CHCHD6: variants seen among roughly 807,000 people sequenced by gnomAD.
CHCHD6 encodes the protein MICOS complex subunit MIC25.
In CHCHD6, 28 loss-of-function variants were observed where a neutral mutation model predicts 32.3. The observed-to-expected ratio is 0.87, with a 90% CI of 0.64 to 1.19. CHCHD6 has a LOEUF of 1.19. Among genes scored for constraint, CHCHD6 ranks in the 50% most tolerant of loss-of-function variants. CHCHD6 has a pLI of 0.00. For synonymous variants in CHCHD6, 122 were observed against 117.5 expected (o/e 1.04, Z -0.25); for missense variants, 333 against 307.0 (o/e 1.08, Z -0.63).
chr3:126,882,984 A>G lies in CHCHD6; in HGVS notation c.495+30254A>G, dbSNP rs559381074. Among the ~76,000 whole-genome samples, 11 of 152,298 alleles carry G rather than the reference A, an allele frequency of 7.2e-5. No individual in the cohort carries two copies. In the South Asian group the frequency reaches 2.1e-3, roughly 29 times the overall value. On this transcript the variant is annotated intron_variant, in intron 5 of 7. Transcript: ENST00000290913. ...AGGGTTGGGACTTTCAGCCCCACCC[A>G]TACCTCTGGGGAAGGGAAAGGGGCT... is the stretch of plus-strand genomic sequence containing the variant.
chr3:126,804,390 G>A (rs1044095605), intron 4 of CHCHD6, among the ~76,000 whole-genome samples: 4 of 151,986 alleles, frequency 2.6e-5, no homozygotes, highest in Admixed American at 6.5e-5. Flanking sequence ...TATCACCACC[G>A]ATCCCACAGA....
intron 5 of CHCHD6, among the ~76,000 whole-genome samples, chr3:126,861,664 A>C (rs1576509382): frequency 2.3e-5 from 3 of 130,880 alleles, no homozygotes; most frequent in Admixed American, 1.5e-4. Flanking sequence ...CCCCTCCTCT[A>C]CCATCACCAC....
At chr3:126,914,570 G>C in intron 5 of CHCHD6, 110 bp from the exon 6 acceptor site, 1 of 739,426 alleles carries the variant, frequency 1.4e-6, no homozygotes, top group Non-Finnish European at 2.5e-6. Flanking sequence ...AGTCGGCTTT[G>C]ATGCCCGTCA....
At chr3:126,807,977 C>T (rs770625528) in intron 4 of CHCHD6, among the ~76,000 whole-genome samples, 1 of 152,200 alleles carries the variant, frequency 6.6e-6, no homozygotes, top group African/African-American at 2.4e-5. Flanking sequence ...TACAAAAACA[C>T]GTGGCCAGGT....
At chr3:126,729,983 G>A (rs942109027) in intron 2 of CHCHD6, among the ~76,000 whole-genome samples, 2 of 152,096 alleles carry the variant, frequency 1.3e-5, no homozygotes, top group South Asian at 2.1e-4. Context: ...CAGAAATCCC[G>A]AAATTCGTGA....
At chr3:126,767,055 G>C in intron 4 of CHCHD6, 1 of 975,766 alleles carries the variant, frequency 1.0e-6, no homozygotes, top group Non-Finnish European at 1.6e-6. Flanking sequence ...ACTCAATGGG[G>C]AACCAGTCTG....
At chr3:126,827,650 A>G (rs766384301) in intron 4 of CHCHD6, among the ~76,000 whole-genome samples, 1 of 152,316 alleles carries the variant, frequency 6.6e-6, no homozygotes, top group East Asian at 1.9e-4. Flanking sequence ...TGCCACTGTC[A>G]TCTGGGATCT....
intron 4 of CHCHD6, among the ~76,000 whole-genome samples, chr3:126,827,232 G>A (rs1424563846): frequency 6.6e-6 from 1 of 152,214 alleles, no homozygotes; most frequent in Non-Finnish European, 1.5e-5. Context: ...AAGGCTTCAT[G>A]CAAGGAAATG....
chr3:126,869,907 A>T (rs1190278913), intron 5 of CHCHD6, among the ~76,000 whole-genome samples: 2 of 152,274 alleles, frequency 1.3e-5, no homozygotes, highest in East Asian at 3.9e-4. Flanking sequence ...TGCTTTCTGA[A>T]ATCCTGTTTT....
intron 1 of CHCHD6, among the ~76,000 whole-genome samples, chr3:126,720,382 G>T (rs1332813312): frequency 6.6e-6 from 1 of 152,170 alleles, no homozygotes; most frequent in South Asian, 2.1e-4. Context: ...CCCAACCGGG[G>T]CTTCTAGTCC....
chr3:126,715,840 G>A (rs1183189687), intron 1 of CHCHD6, among the ~76,000 whole-genome samples: 2 of 152,064 alleles, frequency 1.3e-5, no homozygotes, highest in African/African-American at 2.4e-5. Context: ...TCCCAAGGCC[G>A]TGGATACAAG....
chr3:126,793,584 A>G (rs1442782325), intron 4 of CHCHD6, among the ~76,000 whole-genome samples: 1 of 152,120 alleles, frequency 6.6e-6, no homozygotes, highest in East Asian at 1.9e-4. Context: ...ACAGTGACAC[A>G]ATTTTTTGCT....
At chr3:126,946,601 T>A (rs2078643014) in intron 6 of CHCHD6, among the ~76,000 whole-genome samples, 1 of 152,206 alleles carries the variant, frequency 6.6e-6, no homozygotes, top group African/African-American at 2.4e-5. Context: ...CAATCCCGTG[T>A]GGCGTGTTGA....
chr3:126,816,236 G>C (rs569841447), intron 4 of CHCHD6, among the ~76,000 whole-genome samples: 1 of 152,278 alleles, frequency 6.6e-6, no homozygotes, highest in Admixed American at 6.5e-5. Context: ...CTGTGTGCTT[G>C]GGAATGTCAG....
chr3:126,774,727 G>A (rs1329740577), intron 4 of CHCHD6, among the ~76,000 whole-genome samples: 1 of 152,204 alleles, frequency 6.6e-6, no homozygotes, highest in East Asian at 1.9e-4. Context: ...GAAGTCCAGG[G>A]TCTCCAGTTG....
rs182739437 is a variant in CHCHD6, at chr3:126,926,706, C to T, written c.566+11956C>T. Among the ~76,000 whole-genome samples, 137 of 152,186 alleles carry T rather than the reference C, an allele frequency of 9.0e-4. 1 individual carries two copies. The highest frequency in any genetic ancestry group is 3.2e-3 in the African/African-American group (133 of 41,530). On this transcript the variant is annotated intron_variant, in intron 6 of 7. Coordinates refer to ENST00000290913, the MANE Select transcript of CHCHD6 (RefSeq NM_032343.3). ...AGCCTTTGGTGCATTCTAAAGAATTCGAGATTCATCCTGCAGGCAGTGGCA... is the reference window on the plus strand; with the variant it reads ...AGCCTTTGGTGCATTCTAAAGAATTTGAGATTCATCCTGCAGGCAGTGGCA...
At chr3:126,908,617 A>G (rs2078039407) in intron 5 of CHCHD6, among the ~76,000 whole-genome samples, 1 of 152,188 alleles carries the variant, frequency 6.6e-6, no homozygotes, top group Non-Finnish European at 1.5e-5. Flanking sequence ...AAAACAAGCT[A>G]AAGTCCCTAT....
At chr3:126,732,743 T>C (rs1280010872) in intron 3 of CHCHD6, among the ~76,000 whole-genome samples, 1 of 152,208 alleles carries the variant, frequency 6.6e-6, no homozygotes. Flanking sequence ...ATCTTCAAGC[T>C]CTCAAGTGGA....
intron 5 of CHCHD6, among the ~76,000 whole-genome samples, chr3:126,859,624 C>T (rs1478065328): frequency 6.6e-6 from 1 of 152,192 alleles, no homozygotes; most frequent in Admixed American, 6.5e-5. Flanking sequence ...TGCAGCAACC[C>T]TGTAAGGTAG....
Sources: gnomAD v4.1 joint callset for allele counts (sites outside exome capture counted in the v4.1 genomes callset) on GRCh38, gnomAD v4.1.1 for gene constraint, MANE v1.5 for transcripts, NCBI Gene and HGNC (gene_info 2026-07-23, HGNC 2026-07-21) for gene names.